Variants in EPHA10 observed in about 807,000 individuals in gnomAD.
EPHA10 encodes the protein ephrin type-A receptor 10.
EPHA10 carries 120 observed loss-of-function variants against 109.7 expected under a neutral mutation model. The ratio of observed to expected loss-of-function variants is 1.09; its 90% CI spans 0.94 to 1.27. The LOEUF (loss-of-function observed/expected upper bound fraction) is 1.27. Ranked by LOEUF, EPHA10 falls within the 50% of genes most tolerant of loss-of-function variation. The pLI, the probability that EPHA10 is intolerant of heterozygous loss-of-function variation, is 0.00. For synonymous variants in EPHA10, 640 were observed against 618.9 expected (o/e 1.03, Z -0.51); for missense variants, 1,396 against 1,411.1 (o/e 0.99, Z 0.17).
chr1:37,720,076 T>A lies in EPHA10; in HGVS notation c.2413-18A>T, dbSNP rs1569621810. 1.9e-6 allele frequency: 3 copies of A among 1,612,468 alleles called. No homozygotes were observed. The South Asian group carries it at 3.3e-5, about 18-fold the overall frequency. ...CGGCCACTCTGTAGGGGCAGGCAGG[T>A]CAGGGGCAAGGAGGAACTGGGTGAC... On this transcript the variant is annotated intron_variant, in intron 13 of 16. Coordinates refer to ENST00000373048, the MANE Select transcript of EPHA10 (RefSeq NM_001099439.2).
At chr1:37,741,475 GCCTCCA>G (rs1646152820) in intron 5 of EPHA10, among the ~76,000 whole-genome samples, 1 of 152,140 alleles carries the variant, frequency 6.6e-6, no homozygotes, top group African/African-American at 2.4e-5. Flanking sequence ...ATATCTAGCA[GCCTCCA>G]CTCCATGTCT....
In EPHA10 at chr1:37,753,027, C is replaced by T. The variant is rs772643755; in HGVS notation, c.1206G>A (p.Gln402=). 3.2e-6 allele frequency: 4 copies of T among 1,233,248 alleles called. No individual in the cohort carries two copies. The highest frequency in any genetic ancestry group is 6.0e-5 in the South Asian group (2 of 33,238). 76.4% of individuals were successfully genotyped at this position (1,233,248 alleles called of 1,614,324 possible). Residue 402 remains glutamine (Q), a synonymous_variant, in exon 5 of 17, where the codon CAG becomes CAA. Transcript: ENST00000373048. The stretch of plus-strand genomic sequence containing the variant: ...TGGCGGCTCGCTCCCGCAGCCCTGC[C>T]TGGCGCGGTAGGAAGGCCACGCGCG... ...CGPRVAFLPR[Q]AGLRERAATL... is the part of the protein sequence containing the mutation.
At chr1:37,745,265 C>T (rs1170753927) in intron 5 of EPHA10, among the ~76,000 whole-genome samples, 1 of 151,992 alleles carries the variant, frequency 6.6e-6, no homozygotes. Context: ...AAAAGAAAAC[C>T]CTGCACAGGA....
At chr1:37,734,030 T>C (rs1385824903) in intron 6 of EPHA10, among the ~76,000 whole-genome samples, 1 of 152,160 alleles carries the variant, frequency 6.6e-6, no homozygotes, top group Non-Finnish European at 1.5e-5. Context: ...GACTCAGGAC[T>C]CTCTCCTCCT....
At chr1:37,762,283 G>A (rs1242806265) in intron 2 of EPHA10, among the ~76,000 whole-genome samples, 200 bp from the exon 3 acceptor site, 1 of 152,224 alleles carries the variant, frequency 6.6e-6, no homozygotes, top group African/African-American at 2.4e-5. Context: ...TCCAGAGGGA[G>A]AGCGATCTGA....
At chr1:37,728,222 C>A (rs1333746988) in intron 7 of EPHA10, among the ~76,000 whole-genome samples, 2 of 152,052 alleles carry the variant, frequency 1.3e-5, no homozygotes, top group Non-Finnish European at 2.9e-5. Flanking sequence ...CGGAGAGTGG[C>A]AAATAGGAAG....
At chr1:37,731,682 C>T (rs566112699) in intron 6 of EPHA10, 100 bp from the exon 7 acceptor site, 128 of 1,342,834 alleles carry the variant, frequency 9.5e-5, no homozygotes, top group South Asian at 9.0e-4. Context: ...AGCGCCCTTA[C>T]GTGAATGTGG....
At chr1:37,741,643 A>C (rs478492) in intron 5 of EPHA10, among the ~76,000 whole-genome samples, 50,151 of 151,904 alleles carry the variant, frequency 0.33, 8,439 homozygotes, top group East Asian at 0.48. Flanking sequence ...GGACTAGATC[A>C]AAAAGTGCAA....
chr1:37,721,742 C>A lies in EPHA10; in HGVS notation c.2064G>T (p.Arg688Ser). 1.2e-6 allele frequency: 2 copies of A among 1,612,656 alleles called. No homozygotes were observed. The highest frequency in any genetic ancestry group is 1.7e-5 in the Admixed American group (1 of 59,996). ...TGAGGGCCTCGGCCAGGAAGCCGAG[C>A]CTCTGTGAGTCGGAGGCGCTGTCCC... ...MLRDSASDSQ[R>S]LGFLAEALTL... The change falls in exon 11 of 17, where the codon AGG (arginine) becomes AGT (serine). Residue 688 changes from arginine to serine, a missense_variant. Coordinates refer to ENST00000373048, the MANE Select transcript of EPHA10 (RefSeq NM_001099439.2).
Position 37,753,161 on chromosome 1 carries a change from G to T in EPHA10, c.1072C>A (p.Arg358Ser). 7.1e-7 allele frequency: 1 copy of T among 1,407,294 alleles called. No homozygotes were observed. Among genetic ancestry groups the T allele is most frequent in the Non-Finnish European group, 9.2e-7 (1 of 1,081,222 alleles). The allele number at this position is 1,407,294 out of a possible 1,614,324, so 87.2% of individuals were successfully genotyped here. ...LSRSPLVLRL[R>S]WLPPADSGGR... Reference sequence around the variant, plus strand: ...CCCGAGTCGGCCGGCGGCAGCCAGCGCAGTCGCAGCACCAGCGGCGAGCGG... The same window carrying T: ...CCCGAGTCGGCCGGCGGCAGCCAGCTCAGTCGCAGCACCAGCGGCGAGCGG... Residue 358 changes from arginine to serine, a missense_variant, in exon 5 of 17, where the codon CGC becomes AGC. Arg to Ser is a moderately radical substitution (Grantham distance 110). Coordinates refer to ENST00000373048, the MANE Select transcript of EPHA10 (RefSeq NM_001099439.2).
At chr1:37,746,488 ACTCT>A (rs1172969934) in intron 5 of EPHA10, among the ~76,000 whole-genome samples, 2 of 151,958 alleles carry the variant, frequency 1.3e-5, no homozygotes, top group African/African-American at 4.8e-5. Context: ...CCTTAAAGAG[ACTCT>A]CTCCAAATAT....
chr1:37,724,549 CAGA>C (rs67272502), intron 8 of EPHA10, among the ~76,000 whole-genome samples: 11,061 of 152,112 alleles, frequency 0.073, 464 homozygotes, highest in Middle Eastern at 0.16. Context: ...GCCAGAGGAA[CAGA>C]AGGAGAGCAG....
intron 3 of EPHA10, among the ~76,000 whole-genome samples, chr1:37,758,963 T>G (rs565645): frequency 0.54 from 82,678 of 151,994 alleles, 22,562 homozygotes; most frequent in Admixed American, 0.63. Flanking sequence ...TATCACATGG[T>G]CACTAAGTGC....
At chr1:37,735,692 T>C (rs1646059668) in intron 5 of EPHA10, among the ~76,000 whole-genome samples, 1 of 152,030 alleles carries the variant, frequency 6.6e-6, no homozygotes, top group Non-Finnish European at 1.5e-5. Flanking sequence ...GCTTCTCTCA[T>C]GGTGGTCGGC....
chr1:37,754,442 G>A lies in EPHA10; in HGVS notation c.851-72C>T. 1 of 1,241,886 alleles carries A rather than the reference G, an allele frequency of 8.1e-7. No individual in the cohort carries two copies. Among genetic ancestry groups the A allele is most frequent in the Non-Finnish European group, 1.0e-6 (1 of 986,740 alleles). The allele number at this position is 1,241,886 out of a possible 1,614,324, so 76.9% of individuals were successfully genotyped here. A position where few individuals can be genotyped will look rare whatever the true frequency, so the allele number is the denominator to read the frequency against. ...CCGCTTTCCTGACTGGCCTGGTTAG[G>A]GCAGCGTTTATCTCCTCCAATTGCG... On this transcript the variant is annotated intron_variant, in intron 3 of 16. Transcript: ENST00000373048. This position sits in a 1 kb window ranked among gnomAD's most constrained non-coding sequence, Gnocchi z 4.5.
intron 6 of EPHA10, among the ~76,000 whole-genome samples, chr1:37,733,743 C>G (rs897593889): frequency 1.3e-5 from 2 of 152,100 alleles, no homozygotes; most frequent in African/African-American, 4.8e-5. Flanking sequence ...ATTCCTCTCC[C>G]CCAATTTCTC....
intron 5 of EPHA10, among the ~76,000 whole-genome samples, chr1:37,746,969 T>C (rs933911716): frequency 2.0e-5 from 3 of 152,152 alleles, no homozygotes; most frequent in African/African-American, 7.2e-5. Flanking sequence ...AGGAGGTGGA[T>C]GGAATGGTGA....
At chr1:37,749,895 A>G (rs1646297230) in intron 5 of EPHA10, among the ~76,000 whole-genome samples, 1 of 152,194 alleles carries the variant, frequency 6.6e-6, no homozygotes, top group Admixed American at 6.5e-5. Flanking sequence ...ATGTGACTGT[A>G]CTGAATACTA....
chr1:37,753,193 C>T lies in EPHA10; in HGVS notation c.1040G>A (p.Ser347Asn), dbSNP rs1236100013. 3 of 1,373,598 alleles carry T rather than the reference C, an allele frequency of 2.2e-6. No homozygotes were observed. The highest frequency in any genetic ancestry group is 1.9e-6 in the Non-Finnish European group (2 of 1,066,434). The allele number at this position is 1,373,598 out of a possible 1,614,324, so 85.1% of individuals were successfully genotyped here. A position where few individuals can be genotyped will look rare whatever the true frequency, so the allele number is the denominator to read the frequency against. Residue 347 changes from serine (S) to asparagine (N), a missense_variant, in exon 5 of 17, where the codon AGC becomes AAC. Physicochemically the swap from Ser to Asn is conservative, Grantham distance 46. Coordinates refer to ENST00000373048, the MANE Select transcript of EPHA10 (RefSeq NM_001099439.2). ...CAGCACCAGCGGCGAGCGGCTCAGG[C>T]TGTACTGCAGGTCCCGCGGCGCCGA... is the stretch of plus-strand genomic sequence containing the variant. ...PPSAPRDLQY[S>N]LSRSPLVLRL... is the part of the protein sequence containing the mutation.
Sources: allele counts gnomAD v4.1 joint callset (sites outside exome capture counted in the v4.1 genomes callset), GRCh38; gene constraint gnomAD v4.1.1; non-coding constraint Gnocchi (gnomAD v3.1); transcripts MANE v1.5; gene names NCBI Gene and HGNC (gene_info 2026-07-23, HGNC 2026-07-21).